GALNT17: variants seen among roughly 807,000 people sequenced by gnomAD.
GALNT17 encodes polypeptide N-acetylgalactosaminyltransferase 17.
GALNT17 carries 29 observed loss-of-function variants against 63.7 expected under a neutral mutation model. The observed-to-expected ratio is 0.46, with a 90% confidence interval of 0.34 to 0.62. The LOEUF is 0.62. GALNT17 is among the 20% of genes least tolerant of loss of function. The probability of loss-of-function intolerance (pLI) is 0.01; values close to 1 mark genes in which losing one functional copy is unlikely to be tolerated. For missense variants in GALNT17, 603 were observed against 799.6 expected (o/e 0.75, Z 2.97); for synonymous variants, 305 against 318.3 (o/e 0.96, Z 0.45).
At chr7:71,165,455 T>TG (rs1160500215) in intron 1 of GALNT17, among the ~76,000 whole-genome samples, 1 of 136,364 alleles carries the variant, frequency 7.3e-6, no homozygotes, top group African/African-American at 2.5e-5. Context: ...ACGTTTCACA[T>TG]GGCGACAGAC....
At chr7:71,255,203 CAT>C (rs1235494380) in intron 1 of GALNT17, among the ~76,000 whole-genome samples, 2 of 152,238 alleles carry the variant, frequency 1.3e-5, no homozygotes, top group African/African-American at 4.8e-5. Context: ...ACAATTCCCA[CAT>C]GTCTTGGGAG....
intron 5 of GALNT17, among the ~76,000 whole-genome samples, chr7:71,546,915 C>A (rs1788994360): frequency 6.6e-6 from 1 of 152,124 alleles, no homozygotes; most frequent in South Asian, 2.1e-4. Context: ...ACTTTCCTGC[C>A]TTGAAACAAT....
intron 5 of GALNT17, among the ~76,000 whole-genome samples, chr7:71,491,293 T>C (rs1053397375): frequency 6.6e-6 from 1 of 152,210 alleles, no homozygotes; most frequent in Non-Finnish European, 1.5e-5. Flanking sequence ...TTCATGGCAC[T>C]ATTGAGTAGC....
intron 5 of GALNT17, among the ~76,000 whole-genome samples, chr7:71,513,108 G>C (rs2116730818): frequency 6.6e-6 from 1 of 152,268 alleles, no homozygotes; most frequent in African/African-American, 2.4e-5. Context: ...GTAACTAAAG[G>C]CTGAGCTGTC....
At chr7:71,700,637 G>C (rs143992684) in intron 9 of GALNT17, among the ~76,000 whole-genome samples, 2 of 152,062 alleles carry the variant, frequency 1.3e-5, no homozygotes, top group Admixed American at 6.6e-5. Context: ...TGGTCTCCAG[G>C]CCTTTAAACA....
chr7:71,468,763 G>C (rs558864050), intron 5 of GALNT17, among the ~76,000 whole-genome samples: 1 of 152,246 alleles, frequency 6.6e-6, no homozygotes, highest in East Asian at 1.9e-4. Flanking sequence ...GGTGTCTGGT[G>C]CTACACGGTG....
intron 1 of GALNT17, among the ~76,000 whole-genome samples, chr7:71,297,181 T>A (rs1289933814): frequency 6.6e-6 from 1 of 152,212 alleles, no homozygotes; most frequent in Admixed American, 6.5e-5. Context: ...CACATGGTAC[T>A]GCTGCAGCCT....
At chr7:71,546,748 G>C (rs147947646) in intron 5 of GALNT17, among the ~76,000 whole-genome samples, 1 of 152,074 alleles carries the variant, frequency 6.6e-6, no homozygotes, top group African/African-American at 2.4e-5. Context: ...TTGGACCTGC[G>C]GTAAAGGGAA....
At chr7:71,223,338 GTTAT>G (rs774575045) in intron 1 of GALNT17, among the ~76,000 whole-genome samples, 8 of 151,932 alleles carry the variant, frequency 5.3e-5, no homozygotes, top group Non-Finnish European at 8.8e-5. Flanking sequence ...TTCTATCCCA[GTTAT>G]TTGTTTATTC....
intron 2 of GALNT17, among the ~76,000 whole-genome samples, chr7:71,387,246 T>C (rs935396487): frequency 6.7e-6 from 1 of 149,112 alleles, no homozygotes; most frequent in Non-Finnish European, 1.5e-5. Flanking sequence ...AAAAAAGTAC[T>C]TTTAATGGCA....
chr7:71,629,073 G>T (rs559060569), intron 6 of GALNT17, among the ~76,000 whole-genome samples: 2 of 152,302 alleles, frequency 1.3e-5, no homozygotes, highest in South Asian at 4.1e-4. Flanking sequence ...TAGAAGAGGG[G>T]TCTAGAAGGG....
At chr7:71,414,975 A>G (rs1049142988) in intron 3 of GALNT17, among the ~76,000 whole-genome samples, 1 of 146,932 alleles carries the variant, frequency 6.8e-6, no homozygotes, top group African/African-American at 2.7e-5. Context: ...TATGCACACA[A>G]AGTATCACTT....
At chr7:71,150,546 T>C (rs1428822922) in intron 1 of GALNT17, among the ~76,000 whole-genome samples, 1 of 150,788 alleles carries the variant, frequency 6.6e-6, no homozygotes, top group African/African-American at 2.4e-5. Flanking sequence ...GGAGTCTTGC[T>C]GTGTCCCAGG....
intron 2 of GALNT17, among the ~76,000 whole-genome samples, chr7:71,375,879 A>G (rs1792712132): frequency 6.6e-6 from 1 of 152,160 alleles, no homozygotes; most frequent in Non-Finnish European, 1.5e-5. Flanking sequence ...GGAGTTCACG[A>G]CCAGCCTGAA....
chr7:71,414,306 T>C (rs558817238), intron 3 of GALNT17, among the ~76,000 whole-genome samples: 61 of 152,198 alleles, frequency 4.0e-4, no homozygotes, highest in Non-Finnish European at 7.3e-4. Flanking sequence ...CTGTTGTTCA[T>C]AGGAAGTTAT....
chr7:71,523,228 C>A, intron 5 of GALNT17, among the ~76,000 whole-genome samples: 1 of 152,130 alleles, frequency 6.6e-6, no homozygotes, highest in East Asian at 1.9e-4. Flanking sequence ...AATTTGAGAC[C>A]AGCCTGGGCA....
intron 2 of GALNT17, among the ~76,000 whole-genome samples, chr7:71,358,621 C>A (rs1792336592): frequency 6.6e-6 from 1 of 152,162 alleles, no homozygotes; most frequent in African/African-American, 2.4e-5. Flanking sequence ...AGAAAGCTCA[C>A]TGGTAGTTTG....
At chr7:71,156,459 T>C (rs953762514) in intron 1 of GALNT17, among the ~76,000 whole-genome samples, 1 of 151,856 alleles carries the variant, frequency 6.6e-6, no homozygotes, top group African/African-American at 2.4e-5. Context: ...TAATGAGCCA[T>C]TGAGATGGTT....
At chr7:71,598,360 G>A (rs151022090) in intron 6 of GALNT17, among the ~76,000 whole-genome samples, 10 of 152,316 alleles carry the variant, frequency 6.6e-5, no homozygotes, top group African/African-American at 2.4e-4. Flanking sequence ...TCCCTCAAAA[G>A]CAGCGGAGTG....
Sources: gnomAD v4.1 joint callset for allele counts (sites outside exome capture counted in the v4.1 genomes callset) on GRCh38, gnomAD v4.1.1 for gene constraint, MANE v1.5 for transcripts, NCBI Gene and HGNC (gene_info 2026-07-23, HGNC 2026-07-21) for gene names.